Variants in AMPH observed in about 807,000 individuals in gnomAD.
The protein encoded by AMPH is amphiphysin.
AMPH carries 49 observed loss-of-function variants against 99.1 expected under a neutral mutation model. The observed-to-expected ratio is 0.49, with a 90% CI of 0.39 to 0.63. The LOEUF (loss-of-function observed/expected upper bound fraction) is 0.63. AMPH is among the 20% of genes least tolerant of loss of function. The pLI is 0.00. For synonymous variants in AMPH, 314 were observed against 317.3 expected (o/e 0.99, Z 0.11); for missense variants, 759 against 863.4 (o/e 0.88, Z 1.52).
intron 16 of AMPH, among the ~76,000 whole-genome samples, chr7:38,420,708 C>T (rs1785552717): frequency 6.6e-6 from 1 of 152,188 alleles, no homozygotes; most frequent in Admixed American, 6.5e-5. Flanking sequence ...AGTCTAGTCA[C>T]ATCCAATGTG....
In AMPH at chr7:38,479,541, G is replaced by A. The variant is rs181286793; in HGVS notation, c.397-2572C>T. On this transcript the variant is annotated intron_variant, in intron 5 of 20. Coordinates refer to ENST00000356264, the MANE Select transcript of AMPH (RefSeq NM_001635.4). ...GCTTGAAAAGGTAACTGATCATTCA[G>A]AGCAAAAAAACATAACTAATGTATT... Among the ~76,000 whole-genome samples the A allele has an allele frequency of 2.0e-5, 3 of 151,642 alleles. No individual in the cohort carries two copies. In the East Asian group the frequency reaches 5.8e-4, roughly 29 times the overall value.
At chr7:38,385,071 G>T in intron 20 of AMPH, 146 bp from the exon 21 acceptor site, 1 of 613,050 alleles carries the variant, frequency 1.6e-6, no homozygotes, top group Admixed American at 2.8e-5. Context: ...CGTGATCAAT[G>T]GGAAGGCCTA....
chr7:38,532,392 C>T (rs1399321888), intron 2 of AMPH, among the ~76,000 whole-genome samples: 3 of 151,988 alleles, frequency 2.0e-5, no homozygotes, highest in African/African-American at 7.3e-5. Context: ...AATAACATTC[C>T]CTATATTAAC....
intron 1 of AMPH, among the ~76,000 whole-genome samples, chr7:38,572,324 T>C (rs1792078415): frequency 6.6e-6 from 1 of 152,104 alleles, no homozygotes; most frequent in Non-Finnish European, 1.5e-5. Flanking sequence ...AAACATATGG[T>C]TCAGGTGTGT....
chr7:38,412,854 A>G (rs1467522015), intron 17 of AMPH, among the ~76,000 whole-genome samples: 2 of 152,202 alleles, frequency 1.3e-5, no homozygotes, highest in Non-Finnish European at 2.9e-5. Flanking sequence ...CTATTCATTC[A>G]CTGAGTATGA....
At chr7:38,595,468 C>A (rs1276821281) in intron 1 of AMPH, among the ~76,000 whole-genome samples, 2 of 152,128 alleles carry the variant, frequency 1.3e-5, no homozygotes, top group Admixed American at 6.5e-5. Context: ...CCAGTGAAGC[C>A]CGAATACAGA....
At chr7:38,563,041 T>C (rs76818220) in intron 1 of AMPH, among the ~76,000 whole-genome samples, 3,767 of 152,288 alleles carry the variant, frequency 0.025, 148 homozygotes, top group African/African-American at 0.085. Flanking sequence ...TGTTTTCCTA[T>C]TTGAATTAAA....
rs1343131974 is a variant in AMPH, at chr7:38,450,549, C to G, written c.1017+10734G>C. Among the ~76,000 whole-genome samples the G allele has an allele frequency of 2.6e-5, 4 of 152,204 alleles. No homozygotes were observed. In the East Asian group the frequency reaches 7.7e-4, roughly 29 times the overall value. On this transcript the variant is annotated intron_variant, in intron 11 of 20. Transcript: ENST00000356264. ...CCATATCTCCCCTTCGGAGCACTCC[C>G]CAACACTACTCCATGTGTACGGTCG...
intron 17 of AMPH, among the ~76,000 whole-genome samples, chr7:38,410,613 A>T (rs1199505674): frequency 6.6e-6 from 1 of 152,242 alleles, no homozygotes; most frequent in African/African-American, 2.4e-5. Flanking sequence ...TTAAAGTAAT[A>T]CATTTTGATT....
At chr7:38,627,387 C>CAAAAAAAA (rs70977419) in intron 1 of AMPH, among the ~76,000 whole-genome samples, 6 of 116,932 alleles carry the variant, frequency 5.1e-5, no homozygotes, top group Admixed American at 9.3e-5. Context: ...ACTAAAAATA[C>CAAAAAAAA]AAAAAAAAAA....
chr7:38,519,286 C>T (rs1007318136), intron 2 of AMPH, among the ~76,000 whole-genome samples: 1 of 152,192 alleles, frequency 6.6e-6, no homozygotes, highest in Non-Finnish European at 1.5e-5. Context: ...AACTTTATTT[C>T]CAGCGATGCA....
chr7:38,564,693 G>C (rs921098187), intron 1 of AMPH, among the ~76,000 whole-genome samples: 1 of 152,200 alleles, frequency 6.6e-6, no homozygotes, highest in Admixed American at 6.5e-5. Context: ...GAAATAAAGT[G>C]TCTCCTTCCC....
rs1011530504 is a variant in AMPH at position 38,618,279 on chromosome 7, G to A, written c.69+13004C>T. ...TATAATCCCAGCACTTTGGGAGGCC[G>A]AGGCGGGCAGATCATGAGGTCAGGA... On this transcript the variant is annotated intron_variant, in intron 1 of 20. Coordinates refer to ENST00000356264, the MANE Select transcript of AMPH (RefSeq NM_001635.4). Among the ~76,000 whole-genome samples, 11 of 151,844 alleles carry A rather than the reference G, an allele frequency of 7.2e-5. No homozygotes were observed. In the East Asian group the frequency reaches 2.1e-3, roughly 29 times the overall value.
intron 5 of AMPH, among the ~76,000 whole-genome samples, chr7:38,489,594 A>G (rs1422227791): frequency 6.6e-6 from 1 of 152,158 alleles, no homozygotes; most frequent in African/African-American, 2.4e-5. Flanking sequence ...AAGCTATAGA[A>G]ATGGAGAAAA....
At chr7:38,607,304 C>T (rs1290746848) in intron 1 of AMPH, among the ~76,000 whole-genome samples, 1 of 152,216 alleles carries the variant, frequency 6.6e-6, no homozygotes, top group East Asian at 1.9e-4. Context: ...AAGCAACTAA[C>T]CAGCACTTCA....
chr7:38,562,673 G>A (rs1473301491), intron 1 of AMPH, among the ~76,000 whole-genome samples: 1 of 151,494 alleles, frequency 6.6e-6, no homozygotes, highest in Admixed American at 6.6e-5. Flanking sequence ...AAGAGGGGAG[G>A]GAGAGGAGAG....
At chr7:38,622,706 C>T (rs539898413) in intron 1 of AMPH, among the ~76,000 whole-genome samples, 24 of 152,232 alleles carry the variant, frequency 1.6e-4, no homozygotes, top group Non-Finnish European at 2.8e-4. Flanking sequence ...CTTTGGAACA[C>T]GGGCACTATG....
In AMPH at chr7:38,534,960, C is replaced by G; in HGVS notation, c.121G>C (p.Glu41Gln). 6.2e-7 allele frequency: 1 copy of G among 1,614,122 alleles called. No homozygotes were observed. The highest frequency in any genetic ancestry group is 8.5e-7 in the Non-Finnish European group (1 of 1,179,994). Residue 41 changes from glutamate (E) to glutamine (Q), a missense_variant, in exon 2 of 21, where the codon GAA (glutamate) becomes CAA (glutamine). Coordinates refer to ENST00000356264, the MANE Select transcript of AMPH (RefSeq NM_001635.4). Reference sequence around the variant, plus strand: ...TGCCGTTTGAAGTTCTGGACATATTCTTCGAACTGTTCGTCTTTTGTCTCA... The same window carrying G: ...TGCCGTTTGAAGTTCTGGACATATTGTTCGAACTGTTCGTCTTTTGTCTCA... ...ADETKDEQFE[E>Q]YVQNFKRQEA...
intron 5 of AMPH, among the ~76,000 whole-genome samples, chr7:38,482,860 G>A (rs1277236917): frequency 6.6e-6 from 1 of 152,060 alleles, no homozygotes; most frequent in African/African-American, 2.4e-5. Context: ...AAAGGTGATG[G>A]TAGCAAGATG....
Sources: allele counts gnomAD v4.1 joint callset (sites outside exome capture counted in the v4.1 genomes callset), GRCh38; gene constraint gnomAD v4.1.1; transcripts MANE v1.5; gene names NCBI Gene and HGNC (gene_info 2026-07-23, HGNC 2026-07-21).